NTM: variants seen among roughly 807,000 people sequenced by gnomAD.
The protein encoded by NTM is IgLON family member 2.
Under a neutral mutation model 42.1 loss-of-function variants are expected in NTM, and 13 were observed. That is an observed-to-expected ratio of 0.31 (90% CI 0.20 to 0.49). The LOEUF is 0.49. Ranked by LOEUF, NTM falls within the 20% of genes least tolerant of loss-of-function variation. The pLI is 0.99. For missense variants in NTM, 373 were observed against 452.8 expected, an observed-to-expected ratio of 0.82 and a Z score of 1.60; for synonymous variants, 187 against 179.2, an observed-to-expected ratio of 1.04 and a Z score of -0.35.
At chr11:131,783,072 C>T (rs2136025867) in intron 1 of NTM, among the ~76,000 whole-genome samples, 1 of 152,036 alleles carries the variant, frequency 6.6e-6, no homozygotes, top group South Asian at 2.1e-4. Context: ...TGATTGTGTA[C>T]ATAGAAAATT....
chr11:132,063,272 CA>C (rs144730987), intron 2 of NTM, among the ~76,000 whole-genome samples: 195 of 152,276 alleles, frequency 1.3e-3, no homozygotes, highest in Non-Finnish European at 2.2e-3. Context: ...GATTAAATTT[CA>C]ATGCATGAAT....
intron 1 of NTM, among the ~76,000 whole-genome samples, chr11:131,793,446 T>C (rs991504003): frequency 6.6e-6 from 1 of 152,220 alleles, no homozygotes; most frequent in Admixed American, 6.5e-5. Flanking sequence ...TACTTTACTG[T>C]GTTATGTTCT....
At chr11:131,388,455 T>G (rs1356069324) in intron 1 of NTM, among the ~76,000 whole-genome samples, 1 of 151,226 alleles carries the variant, frequency 6.6e-6, no homozygotes, top group Non-Finnish European at 1.5e-5. Flanking sequence ...AATTCAAATT[T>G]AATTGGGCAT....
chr11:131,962,701 G>A (rs140159597), intron 2 of NTM, among the ~76,000 whole-genome samples: 76 of 152,306 alleles, frequency 5.0e-4, no homozygotes, highest in African/African-American at 1.6e-3. Context: ...ACAAAGTTCC[G>A]TGTCCTCATT....
chr11:131,873,564 TATATATATAC>T lies in NTM; in HGVS notation c.83-37990_83-37981del, dbSNP rs2048043690. Among the ~76,000 whole-genome samples, 8 of 50,714 alleles carry T rather than the reference TATATATATAC, an allele frequency of 1.6e-4. No homozygotes were observed. The East Asian group carries it at 6.9e-3, about 44-fold the overall frequency. 33.3% of individuals were successfully genotyped at this position (50,714 alleles called of 152,430 possible). Reference sequence around the variant, plus strand: ...TATATATATACATATATATATACCGTATATATATACATATATATATACCGTATATATATAC... The same window carrying T: ...TATATATATACATATATATATACCGTATATATATATACCGTATATATATAC... On this transcript the variant is annotated intron_variant, in intron 1 of 8. Coordinates refer to ENST00000683400, the MANE Select transcript of NTM (RefSeq NM_001352005.2).
At chr11:131,681,423 GTGTGTTTCTGTGTC>G in intron 1 of NTM, among the ~76,000 whole-genome samples, 1 of 10,664 alleles carries the variant, frequency 9.4e-5, no homozygotes, top group Non-Finnish European at 2.6e-4. Flanking sequence ...GTGTGAGCGT[GTGTGTTTCTGTGTC>G]TGTATGTCTG....
At chr11:132,218,357 G>T (rs2084378993) in intron 4 of NTM, among the ~76,000 whole-genome samples, 1 of 152,168 alleles carries the variant, frequency 6.6e-6, no homozygotes, top group Non-Finnish European at 1.5e-5. Flanking sequence ...ATCTCCTTTT[G>T]GTTGGGTTGC....
chr11:131,553,845 A>G (rs2055029968), intron 1 of NTM, among the ~76,000 whole-genome samples: 1 of 152,184 alleles, frequency 6.6e-6, no homozygotes. Context: ...TTACCTCTCC[A>G]TGTGGCACAC....
At chr11:132,096,355 C>T (rs2060986404) in intron 2 of NTM, among the ~76,000 whole-genome samples, 1 of 152,086 alleles carries the variant, frequency 6.6e-6, no homozygotes, top group African/African-American at 2.4e-5. Context: ...CTATAGGCTG[C>T]AGGATAATGG....
At chr11:131,414,188 A>T (rs981616482) in intron 1 of NTM, among the ~76,000 whole-genome samples, 5 of 151,982 alleles carry the variant, frequency 3.3e-5, no homozygotes, top group African/African-American at 1.2e-4. Flanking sequence ...AAGCAGGTAA[A>T]CTCTAGAGAC....
chr11:131,598,689 T>TTCTTTCTTTCTTTCTTTC (rs2060043420), intron 1 of NTM, among the ~76,000 whole-genome samples: 3 of 41,316 alleles, frequency 7.3e-5, no homozygotes, highest in East Asian at 9.9e-4. Context: ...TTTGTTTTCT[T>TTCTTTCTTTCTTTCTTTC]TCTTTCTTTC....
At chr11:131,772,846 A>G (rs903228185) in intron 1 of NTM, among the ~76,000 whole-genome samples, 1 of 152,246 alleles carries the variant, frequency 6.6e-6, no homozygotes, top group Non-Finnish European at 1.5e-5. Context: ...AGAAAGGAGG[A>G]AACAGGTCAT....
chr11:131,604,853 CA>C (rs1225972662), intron 1 of NTM, among the ~76,000 whole-genome samples: 1 of 150,946 alleles, frequency 6.6e-6, no homozygotes, highest in Non-Finnish European at 1.5e-5. Flanking sequence ...TGTCAAAAAT[CA>C]ATTGATCATA....
chr11:131,385,599 T>C (rs1472267439), intron 1 of NTM, among the ~76,000 whole-genome samples: 1 of 152,122 alleles, frequency 6.6e-6, no homozygotes, highest in African/African-American at 2.4e-5. Flanking sequence ...CTGCCTATAG[T>C]CCTAGCACTC....
chr11:132,313,073 C>T (rs1591936477), intron 6 of NTM, among the ~76,000 whole-genome samples: 1 of 152,280 alleles, frequency 6.6e-6, no homozygotes, highest in East Asian at 1.9e-4. Context: ...CCTCTCTTTT[C>T]TGATCAAGGT....
chr11:132,116,320 C>T (rs1334614905), intron 2 of NTM, among the ~76,000 whole-genome samples: 1 of 152,180 alleles, frequency 6.6e-6, no homozygotes, highest in Non-Finnish European at 1.5e-5. Flanking sequence ...GAGGTAGGGG[C>T]TGGAGCCACT....
At chr11:131,753,928 T>C (rs1212558698) in intron 1 of NTM, among the ~76,000 whole-genome samples, 2 of 151,044 alleles carry the variant, frequency 1.3e-5, no homozygotes, top group African/African-American at 4.9e-5. Flanking sequence ...GTGGCACATA[T>C]ACACCATGGA....
chr11:131,948,192 T>C (rs1593102822), intron 2 of NTM, among the ~76,000 whole-genome samples: 3 of 151,656 alleles, frequency 2.0e-5, no homozygotes, highest in Non-Finnish European at 4.4e-5. Context: ...AAACCCCGTC[T>C]CTACTAAAAA....
At chr11:132,222,337 T>C (rs537076165) in intron 4 of NTM, among the ~76,000 whole-genome samples, 5 of 152,338 alleles carry the variant, frequency 3.3e-5, no homozygotes, top group African/African-American at 1.2e-4. Context: ...TTAAATGCTA[T>C]CACTCACTCA....
Sources: gnomAD v4.1 joint callset for allele counts (sites outside exome capture counted in the v4.1 genomes callset) on GRCh38, gnomAD v4.1.1 for gene constraint, MANE v1.5 for transcripts, NCBI Gene and HGNC (gene_info 2026-07-23, HGNC 2026-07-21) for gene names.